The following PPM1L variants were observed in gnomAD, a reference collection of about 807,000 sequenced individuals.
PPM1L encodes the protein protein phosphatase, Mg2+/Mn2+ dependent 1L.
PPM1L carries 13 observed loss-of-function variants against 31.4 expected under a neutral mutation model. That is an observed-to-expected ratio of 0.41 (90% confidence interval 0.27 to 0.66). The LOEUF is 0.66. PPM1L is among the 30% of genes least tolerant of loss of function. The pLI is 0.29. For synonymous variants in PPM1L, 184 were observed against 175.4 expected (o/e 1.05, Z -0.39); for missense variants, 326 against 453.7 (o/e 0.72, Z 2.56).
intron 1 of PPM1L, among the ~76,000 whole-genome samples, chr3:160,866,146 G>A (rs959207908): frequency 6.6e-6 from 1 of 152,168 alleles, no homozygotes; most frequent in Admixed American, 6.5e-5. Flanking sequence ...TCTCCTGTCA[G>A]TGCTCAGAAA....
chr3:160,939,175 T>C (rs193135955), intron 1 of PPM1L, among the ~76,000 whole-genome samples: 239 of 152,336 alleles, frequency 1.6e-3, no homozygotes, highest in African/African-American at 5.6e-3. Flanking sequence ...AGTATCCTTA[T>C]AGAGTTCCAG....
At chr3:161,019,020 T>C (rs1317137499) in intron 2 of PPM1L, among the ~76,000 whole-genome samples, 6 of 152,230 alleles carry the variant, frequency 3.9e-5, no homozygotes, top group Non-Finnish European at 8.8e-5. Context: ...GAATAACTTC[T>C]ATCTATATTC....
rs149189014 is a variant in PPM1L at position 160,756,655 on chromosome 3, C to T, written c.347C>T (p.Ala116Val). 4 of 1,613,946 alleles carry T rather than the reference C, an allele frequency of 2.5e-6. No individual in the cohort carries two copies. Among genetic ancestry groups the T allele is most frequent in the African/African-American group, 1.3e-5 (1 of 74,912 alleles). The change falls in exon 1 of 4, where the codon GCC becomes GTC. Residue 116 changes from alanine to valine, a missense_variant. Around this residue, in one of 3 missense-constraint regions of PPM1L, gnomAD observed 83 missense variants for 79.4 expected, o/e 1.04. Coordinates refer to ENST00000498165, the MANE Select transcript of PPM1L (RefSeq NM_139245.4). The surrounding 1 kb of genome is among the most constrained non-coding windows in gnomAD (Gnocchi z 6.2). Reference sequence around the variant, plus strand: ...CGCTTCGAAGTTCTCACGGATCTGGCCAACAAGACGCACCCGTCCATCTTC... The same window carrying T: ...CGCTTCGAAGTTCTCACGGATCTGGTCAACAAGACGCACCCGTCCATCTTC... ...EDRFEVLTDLANKTHPSIFGI... is the reference protein window; with the variant it reads ...EDRFEVLTDLVNKTHPSIFGI...
At chr3:160,969,312 G>T (rs1716248633) in intron 2 of PPM1L, among the ~76,000 whole-genome samples, 1 of 152,174 alleles carries the variant, frequency 6.6e-6, no homozygotes, top group Admixed American at 6.5e-5. Context: ...GTAGCTGGAG[G>T]GTTACCTCCT....
rs545007284 is a variant in PPM1L, at chr3:160,880,764, C to T, written c.400-80972C>T. ...CTTCTCACCTGCCGAAAGTTTAACA[C>T]TGACCCAATCAAATTGACTTTCAGC... On this transcript the variant is annotated intron_variant, in intron 1 of 3. Coordinates refer to ENST00000498165, the MANE Select transcript of PPM1L (RefSeq NM_139245.4). Among the ~76,000 whole-genome samples, 3 of 152,262 alleles carry T rather than the reference C, an allele frequency of 2.0e-5. No homozygotes were observed. In the East Asian group the frequency reaches 5.8e-4, roughly 29 times the overall value.
At chr3:160,913,145 G>A (rs1221221664) in intron 1 of PPM1L, among the ~76,000 whole-genome samples, 1 of 152,088 alleles carries the variant, frequency 6.6e-6, no homozygotes, top group African/African-American at 2.4e-5. Context: ...GAAGAACAGA[G>A]GCTCAAGTAA....
intron 2 of PPM1L, among the ~76,000 whole-genome samples, chr3:160,967,579 G>T (rs1029764739): frequency 2.0e-5 from 3 of 151,078 alleles, no homozygotes; most frequent in Non-Finnish European, 4.4e-5. Flanking sequence ...GATCTAATCA[G>T]CATCCCCCAC....
intron 2 of PPM1L, among the ~76,000 whole-genome samples, chr3:160,989,825 GATT>G (rs1309255076): frequency 6.6e-6 from 1 of 150,954 alleles, no homozygotes; most frequent in East Asian, 2.0e-4. Flanking sequence ...ATGCCCAGCT[GATT>G]ATTATTTTTT....
chr3:160,895,402 G>T (rs1030654998), intron 1 of PPM1L, among the ~76,000 whole-genome samples: 1 of 151,882 alleles, frequency 6.6e-6, no homozygotes, highest in African/African-American at 2.4e-5. Flanking sequence ...GTTTTTTATA[G>T]AGACCAGGTC....
chr3:160,945,725 C>T (rs1337613609), intron 1 of PPM1L, among the ~76,000 whole-genome samples: 1 of 152,088 alleles, frequency 6.6e-6, no homozygotes, highest in African/African-American at 2.4e-5. Flanking sequence ...CACAGATTTT[C>T]TTCTGCCTCT....
chr3:161,046,889 G>A (rs748008166), intron 2 of PPM1L, among the ~76,000 whole-genome samples: 5 of 152,026 alleles, frequency 3.3e-5, no homozygotes, highest in East Asian at 1.9e-4. Flanking sequence ...AAATTCAACA[G>A]CCCTTCATGC....
chr3:160,963,379 GA>G (rs767044378), intron 2 of PPM1L, among the ~76,000 whole-genome samples: 2 of 152,008 alleles, frequency 1.3e-5, no homozygotes, highest in Non-Finnish European at 2.9e-5. Flanking sequence ...GAAGGAAAGA[GA>G]AAAGCAGTGA....
At chr3:160,973,835 G>T (rs1157561502) in intron 2 of PPM1L, among the ~76,000 whole-genome samples, 1 of 108,542 alleles carries the variant, frequency 9.2e-6, no homozygotes, top group Non-Finnish European at 2.1e-5. Flanking sequence ...TTTTGAGAAT[G>T]ATTCTATCTA....
rs71147385 is a variant in PPM1L, at chr3:160,816,261, TTGTG to T, written c.399+59583_399+59586del. Among the ~76,000 whole-genome samples, 1,126 of 147,798 alleles carry T rather than the reference TTGTG, an allele frequency of 7.6e-3. 11 individuals are homozygous for T. The highest frequency in any genetic ancestry group is 0.014 in the South Asian group (67 of 4,660). On this transcript the variant is annotated intron_variant, in intron 1 of 3. Coordinates refer to ENST00000498165, the MANE Select transcript of PPM1L (RefSeq NM_139245.4). ...CATTTGCAATCAAGAGCAGTTTCAT[TTGTG>T]TGTGTGTGTGTGTGTGTGTGTGTGT...
chr3:160,986,655 GT>G (rs1243553370), intron 2 of PPM1L, among the ~76,000 whole-genome samples: 3 of 152,130 alleles, frequency 2.0e-5, no homozygotes, highest in Non-Finnish European at 4.4e-5. Context: ...AGAACAGTGA[GT>G]TTGTAACATC....
At chr3:160,801,151 A>G (rs1712414712) in intron 1 of PPM1L, among the ~76,000 whole-genome samples, 1 of 151,346 alleles carries the variant, frequency 6.6e-6, no homozygotes, top group South Asian at 2.1e-4. Context: ...ACACACACAC[A>G]CACACACACA....
chr3:160,811,457 T>C (rs530893187), intron 1 of PPM1L, among the ~76,000 whole-genome samples: 1 of 152,354 alleles, frequency 6.6e-6, no homozygotes, highest in Admixed American at 6.5e-5. Context: ...TTTATGTTTT[T>C]AGAGAGTAAG....
chr3:160,965,884 C>G (rs948936906), intron 2 of PPM1L, among the ~76,000 whole-genome samples: 1 of 151,946 alleles, frequency 6.6e-6, no homozygotes, highest in African/African-American at 2.4e-5. Flanking sequence ...ACAATTACTG[C>G]TATTTGTAGC....
chr3:161,048,680 CA>C (rs1282533006), intron 2 of PPM1L, among the ~76,000 whole-genome samples: 1 of 152,020 alleles, frequency 6.6e-6, no homozygotes, highest in African/African-American at 2.4e-5. Flanking sequence ...GGAACCAACC[CA>C]AATGTCCATC....
Sources: gnomAD v4.1 joint callset for allele counts (sites outside exome capture counted in the v4.1 genomes callset) on GRCh38, gnomAD v4.1.1 for gene constraint, gnomAD v4.1.1 regional missense constraint, Gnocchi (gnomAD v3.1) non-coding constraint, MANE v1.5 for transcripts, NCBI Gene and HGNC (gene_info 2026-07-23, HGNC 2026-07-21) for gene names.